The following MAGI2 variants were observed in gnomAD, a reference collection of about 807,000 sequenced individuals.
The protein encoded by MAGI2 is membrane-associated guanylate kinase, WW and PDZ domain-containing protein 2.
Under a neutral mutation model 133.3 loss-of-function variants are expected in MAGI2, and 35 were observed. That is an observed-to-expected ratio of 0.26 (90% CI 0.20 to 0.35). The LOEUF is 0.35. Ranked by LOEUF, MAGI2 falls within the 10% of genes least tolerant of loss-of-function variation. MAGI2 has a pLI of 1.00. For missense variants in MAGI2, 1,636 were observed against 1,863.4 expected, an observed-to-expected ratio of 0.88 and a Z score of 2.25; for synonymous variants, 729 against 710.6, an observed-to-expected ratio of 1.03 and a Z score of -0.41.
intron 1 of MAGI2, among the ~76,000 whole-genome samples, chr7:79,292,722 T>A (rs2129558904): frequency 7.0e-6 from 1 of 142,388 alleles, no homozygotes; most frequent in Non-Finnish European, 1.5e-5. Flanking sequence ...CTATTCTGGG[T>A]CCTTTATCTT....
intron 1 of MAGI2, among the ~76,000 whole-genome samples, chr7:79,191,573 A>C (rs1308221388): frequency 6.6e-6 from 1 of 150,414 alleles, no homozygotes; most frequent in Non-Finnish European, 1.5e-5. Context: ...ATGAGCCAAA[A>C]TGCCTGGCCT....
intron 13 of MAGI2, among the ~76,000 whole-genome samples, chr7:78,179,307 T>C (rs1826961735): frequency 6.6e-6 from 1 of 152,236 alleles, no homozygotes. Context: ...CAAAAATCTA[T>C]GTCTGAGCCA....
At chr7:78,912,125 G>T (rs1225894514) in intron 2 of MAGI2, among the ~76,000 whole-genome samples, 2 of 152,046 alleles carry the variant, frequency 1.3e-5, no homozygotes, top group Non-Finnish European at 2.9e-5. Context: ...TGCAAGTTTA[G>T]CACTTCTGTG....
chr7:79,028,237 A>ATATT (rs1554336351), intron 1 of MAGI2, among the ~76,000 whole-genome samples: 1 of 28,674 alleles, frequency 3.5e-5, no homozygotes, highest in African/African-American at 1.3e-4. Flanking sequence ...ATATGTATGT[A>ATATT]TATATATATA....
rs543060516 is a variant in MAGI2, at chr7:78,536,777, T to C, written c.539-15132A>G. Among the ~76,000 whole-genome samples the C allele has an allele frequency of 7.4e-5, 7 of 94,922 alleles. No homozygotes were observed. In the South Asian group the frequency reaches 1.1e-3, roughly 14 times the overall value. The allele number at this position is 94,922 out of a possible 152,430, so 62.3% of individuals were successfully genotyped here. ...TGTTGTTGTTTTTTTTTTTTTTTTC[T>C]GGAGACAGAGTCTTGCTCTGTCGCC... is the stretch of plus-strand genomic sequence containing the variant. On this transcript the variant is annotated intron_variant, in intron 3 of 21. Coordinates refer to ENST00000354212, the MANE Select transcript of MAGI2 (RefSeq NM_012301.4).
chr7:79,264,557 T>C (rs1291160111), intron 1 of MAGI2, among the ~76,000 whole-genome samples: 2 of 152,180 alleles, frequency 1.3e-5, no homozygotes, highest in African/African-American at 4.8e-5. Context: ...CCTATATTAA[T>C]CTCCCAACAT....
chr7:78,784,165 A>G, intron 2 of MAGI2, among the ~76,000 whole-genome samples: 1 of 152,156 alleles, frequency 6.6e-6, no homozygotes, highest in East Asian at 1.9e-4. Context: ...AAGCTCAGAA[A>G]AGTTCAGATC....
chr7:79,384,110 T>C lies in MAGI2; in HGVS notation c.301+68910A>G, dbSNP rs545596743. Among the ~76,000 whole-genome samples the C allele has an allele frequency of 5.9e-3, 632 of 107,668 alleles. 2 individuals carry two copies. The highest frequency in any genetic ancestry group is 0.029 in the African/African-American group (589 of 20,278). The allele number at this position is 107,668 out of a possible 152,430, so 70.6% of individuals were successfully genotyped here. On this transcript the variant is annotated intron_variant, in intron 1 of 21. Transcript: ENST00000354212. Reference sequence around the variant, plus strand: ...CCCAATGTATTCACCTAACATTATATATGAAGATTACAGATACATTAAAAG... The same window carrying C: ...CCCAATGTATTCACCTAACATTATACATGAAGATTACAGATACATTAAAAG...
intron 9 of MAGI2, among the ~76,000 whole-genome samples, chr7:78,289,570 C>T (rs1012354548): frequency 6.6e-6 from 1 of 152,036 alleles, no homozygotes; most frequent in Admixed American, 6.6e-5. Flanking sequence ...AGCAAGGGAG[C>T]CAACATTCAA....
intron 1 of MAGI2, among the ~76,000 whole-genome samples, chr7:79,318,656 T>G (rs2129561396): frequency 6.6e-6 from 1 of 152,236 alleles, no homozygotes; most frequent in South Asian, 2.1e-4. Flanking sequence ...TACAACAGAG[T>G]ATTTATGGAT....
intron 21 of MAGI2, among the ~76,000 whole-genome samples, chr7:78,050,178 G>A (rs535007716): frequency 4.6e-5 from 7 of 152,046 alleles, no homozygotes; most frequent in African/African-American, 1.2e-4. Context: ...TAGCTATTAC[G>A]TATGTATTAA....
At chr7:79,364,992 A>C (rs1459949268) in intron 1 of MAGI2, among the ~76,000 whole-genome samples, 1 of 152,072 alleles carries the variant, frequency 6.6e-6, no homozygotes, top group Admixed American at 6.6e-5. Context: ...ATATTTGCAA[A>C]CCACATATCT....
chr7:79,167,669 G>A (rs1170990667), intron 1 of MAGI2, among the ~76,000 whole-genome samples: 8 of 151,962 alleles, frequency 5.3e-5, no homozygotes, highest in Non-Finnish European at 1.2e-4. Context: ...GAATCTTTCA[G>A]CAGCATTTAA....
At chr7:78,767,216 C>G (rs1825119973) in intron 2 of MAGI2, among the ~76,000 whole-genome samples, 1 of 152,128 alleles carries the variant, frequency 6.6e-6, no homozygotes, top group Non-Finnish European at 1.5e-5. Context: ...GTTTCGAATT[C>G]CTAACCTTGT....
rs144185302 is a variant in MAGI2 at position 79,131,628 on chromosome 7, A to G, written c.302-124422T>C. 7.2e-5 allele frequency among the ~76,000 whole-genome samples: 11 copies of G among 152,304 alleles called. No homozygotes were observed. In the East Asian group the frequency reaches 2.1e-3, roughly 29 times the overall value. ...ATTTGAACTTGGGTTTGCTAACTCTAAATTTGATGTTGTTTTCATTGTATC... is the reference window on the plus strand; with the variant it reads ...ATTTGAACTTGGGTTTGCTAACTCTGAATTTGATGTTGTTTTCATTGTATC... On this transcript the variant is annotated intron_variant, in intron 1 of 21. Transcript: ENST00000354212.
chr7:78,067,824 C>T (rs745641561), intron 21 of MAGI2, among the ~76,000 whole-genome samples: 10 of 152,126 alleles, frequency 6.6e-5, no homozygotes, highest in East Asian at 1.9e-4. Flanking sequence ...ATGCTAACTT[C>T]GAGCAAGGTT....
chr7:79,240,568 G>C (rs1832314264), intron 1 of MAGI2, among the ~76,000 whole-genome samples: 1 of 152,050 alleles, frequency 6.6e-6, no homozygotes, highest in Non-Finnish European at 1.5e-5. Context: ...TGGTGATCTA[G>C]AAATCTAATT....
At chr7:79,328,318 C>T (rs568171156) in intron 1 of MAGI2, among the ~76,000 whole-genome samples, 32 of 152,198 alleles carry the variant, frequency 2.1e-4, no homozygotes, top group Admixed American at 1.8e-3. Context: ...CAAGAATATC[C>T]TCCTGTCCAA....
chr7:78,943,406 CACTT>C (rs972483629), intron 2 of MAGI2, among the ~76,000 whole-genome samples: 4 of 152,050 alleles, frequency 2.6e-5, no homozygotes, highest in African/African-American at 9.7e-5. Flanking sequence ...AGATATAGAA[CACTT>C]ACTTAAGAGA....
Sources: allele counts gnomAD v4.1 joint callset (sites outside exome capture counted in the v4.1 genomes callset), GRCh38; gene constraint gnomAD v4.1.1; transcripts MANE v1.5; gene names NCBI Gene and HGNC (gene_info 2026-07-23, HGNC 2026-07-21).